The following AGPAT5 variants were observed in gnomAD, a reference collection of about 807,000 sequenced individuals.
AGPAT5 encodes the protein 1-acylglycerol-3-phosphate O-acyltransferase 5.
In AGPAT5, 46 loss-of-function variants were observed where a neutral mutation model predicts 45.6. The observed-to-expected ratio is 1.01, with a 90% CI of 0.80 to 1.29. AGPAT5 has a LOEUF of 1.29. AGPAT5 is among the 50% of genes most tolerant of loss of function. AGPAT5 has a pLI of 0.00. For missense variants in AGPAT5, 673 were observed against 450.7 expected (o/e 1.49, Z -4.47); for synonymous variants, 272 against 167.0 (o/e 1.63, Z -4.85).
intron 5 of AGPAT5, among the ~76,000 whole-genome samples, chr8:6,746,866 T>C (rs951821682): frequency 5.3e-5 from 8 of 152,304 alleles, no homozygotes; most frequent in African/African-American, 1.7e-4. Flanking sequence ...AATATTTTAA[T>C]CAAGGAAAAG....
chr8:6,757,099 T>C (rs972459213), intron 7 of AGPAT5, 64 bp from the exon 8 acceptor site: 2 of 1,252,076 alleles, frequency 1.6e-6, no homozygotes, highest in Non-Finnish European at 2.3e-6. Context: ...GCTACCTGAT[T>C]GATATTTTTT....
At chr8:6,737,793 A>G (rs1413514418) in intron 4 of AGPAT5, among the ~76,000 whole-genome samples, 1 of 152,224 alleles carries the variant, frequency 6.6e-6, no homozygotes, top group African/African-American at 2.4e-5. Context: ...TTTTCTGGAT[A>G]ACTTGCTATA....
chr8:6,741,188 A>G (rs924424544), intron 4 of AGPAT5, among the ~76,000 whole-genome samples: 1 of 152,122 alleles, frequency 6.6e-6, no homozygotes, highest in Non-Finnish European at 1.5e-5. Context: ...TTGAATGTGA[A>G]CATTTAGAAC....
At chr8:6,721,214 ATAATGATTAACT>A (rs1800484794) in intron 1 of AGPAT5, among the ~76,000 whole-genome samples, 1 of 152,248 alleles carries the variant, frequency 6.6e-6, no homozygotes, top group Non-Finnish European at 1.5e-5. Context: ...CAGAAATCTT[ATAATGATTAACT>A]GGTAATATAT....
chr8:6,738,792 T>C (rs1273713326), intron 4 of AGPAT5, among the ~76,000 whole-genome samples: 3 of 152,182 alleles, frequency 2.0e-5, no homozygotes, highest in Non-Finnish European at 4.4e-5. Context: ...TTTTTATACA[T>C]TTATATGTAT....
intron 4 of AGPAT5, among the ~76,000 whole-genome samples, chr8:6,733,366 C>T (rs1392604761): frequency 1.3e-5 from 2 of 152,192 alleles, no homozygotes; most frequent in Non-Finnish European, 2.9e-5. Flanking sequence ...CTCCCCTCAC[C>T]AGGGGTCCTG....
chr8:6,740,790 C>G (rs1352921897), intron 4 of AGPAT5, among the ~76,000 whole-genome samples: 2 of 152,008 alleles, frequency 1.3e-5, no homozygotes, highest in African/African-American at 4.8e-5. Flanking sequence ...TGAGTACTGT[C>G]TGAGATCTGG....
chr8:6,737,511 G>C (rs1324426543), intron 4 of AGPAT5, among the ~76,000 whole-genome samples: 1 of 152,274 alleles, frequency 6.6e-6, no homozygotes, highest in East Asian at 1.9e-4. Context: ...TTATTGCTGG[G>C]ACAATACAGT....
chr8:6,730,685 G>A (rs374362603), intron 2 of AGPAT5, 26 bp from the exon 3 acceptor site: 21 of 1,524,076 alleles, frequency 1.4e-5, no homozygotes, highest in East Asian at 1.4e-4. Flanking sequence ...CCTCATGTAC[G>A]CGCTAACTGG....
chr8:6,739,937 T>C (rs1482579710), intron 4 of AGPAT5, among the ~76,000 whole-genome samples: 12 of 152,142 alleles, frequency 7.9e-5, no homozygotes, highest in Non-Finnish European at 1.8e-4. Flanking sequence ...CCTTGTTCTT[T>C]TTCTTTGCAA....
chr8:6,715,943 T>G (rs1200545291), intron 1 of AGPAT5, among the ~76,000 whole-genome samples: 1 of 152,152 alleles, frequency 6.6e-6, no homozygotes, highest in East Asian at 1.9e-4. Context: ...AGCATGGCAT[T>G]CAAGGTTTTC....
At position 6,752,586 on chromosome 8, in the gene AGPAT5, A is replaced by C. The variant is rs1801690154; in HGVS notation, c.746-2465A>C. On this transcript the variant is annotated intron_variant, in intron 6 of 7. Coordinates refer to ENST00000285518, the MANE Select transcript of AGPAT5 (RefSeq NM_018361.5). ...CAGAGCAAATGGGGCTTGGTTTTGCAGCAAGTAGACCTGTGACCTGTACGA... is the reference window on the plus strand; with the variant it reads ...CAGAGCAAATGGGGCTTGGTTTTGCCGCAAGTAGACCTGTGACCTGTACGA... Among the ~76,000 whole-genome samples, 6 of 152,122 alleles carry C rather than the reference A, an allele frequency of 3.9e-5. No homozygotes were observed. The South Asian group carries it at 1.2e-3, about 32-fold the overall frequency.
chr8:6,744,269 A>C (rs945660995), intron 5 of AGPAT5, among the ~76,000 whole-genome samples: 1 of 152,232 alleles, frequency 6.6e-6, no homozygotes, highest in South Asian at 2.1e-4. Flanking sequence ...TAGAAATTAA[A>C]TGAATACTTT....
chr8:6,721,293 T>C (rs1046432334), intron 1 of AGPAT5, among the ~76,000 whole-genome samples: 2 of 152,258 alleles, frequency 1.3e-5, no homozygotes, highest in African/African-American at 4.8e-5. Context: ...TTGTAAATTG[T>C]ATATGTAATC....
At chr8:6,746,778 G>C (rs1801482656) in intron 5 of AGPAT5, among the ~76,000 whole-genome samples, 2 of 152,150 alleles carry the variant, frequency 1.3e-5, no homozygotes, top group Admixed American at 1.3e-4. Context: ...GAGGCCAGTA[G>C]AAAATCTAGA....
In AGPAT5 at chr8:6,747,720, G is replaced by T. The variant is rs373437737; in HGVS notation, c.637G>T (p.Val213Phe). 6.2e-7 allele frequency: 1 copy of T among 1,614,178 alleles called. No homozygotes were observed. Among genetic ancestry groups the T allele is most frequent in the South Asian group, 1.1e-5 (1 of 91,078 alleles). ...AACACCACGAATAAAGGCAACTCAC[G>T]TTGCTTTTGATTGCATGAAGAATTA... ...VLTPRIKATH[V>F]AFDCMKNYLD... The change falls in exon 6 of 8, where the codon GTT becomes TTT. Residue 213 changes from valine (V) to phenylalanine (F), a missense_variant. Coordinates refer to ENST00000285518, the MANE Select transcript of AGPAT5 (RefSeq NM_018361.5).
At chr8:6,719,037 G>A (rs983661347) in intron 1 of AGPAT5, among the ~76,000 whole-genome samples, 7 of 152,162 alleles carry the variant, frequency 4.6e-5, no homozygotes, top group African/African-American at 9.7e-5. Context: ...TTCCATGGTC[G>A]AAGATTGTAA....
At chr8:6,755,675 A>T (rs925810929) in intron 7 of AGPAT5, among the ~76,000 whole-genome samples, 1 of 152,204 alleles carries the variant, frequency 6.6e-6, no homozygotes. Flanking sequence ...GTGGTTAATT[A>T]TATTCAGAAA....
In AGPAT5 at chr8:6,761,131, G is replaced by A. The variant is rs905640549; in HGVS notation, c.*3743G>A. Among the ~76,000 whole-genome samples the A allele has an allele frequency of 6.6e-6, 1 of 152,108 alleles. No homozygotes were observed. The highest frequency in any genetic ancestry group is 1.5e-5 in the Non-Finnish European group (1 of 68,014). On this transcript the variant is annotated 3_prime_UTR_variant, in exon 8 of 8. Transcript: ENST00000285518. ...CTGGTTATCCTGAGCAGGGGAAAAGGTTATTTTTAGGAAAACCACTTCAAA... is the reference window on the plus strand; with the variant it reads ...CTGGTTATCCTGAGCAGGGGAAAAGATTATTTTTAGGAAAACCACTTCAAA...
Sources: allele counts gnomAD v4.1 joint callset (sites outside exome capture counted in the v4.1 genomes callset), GRCh38; gene constraint gnomAD v4.1.1; transcripts MANE v1.5; gene names NCBI Gene and HGNC (gene_info 2026-07-23, HGNC 2026-07-21).